The following TET3 variants were observed in gnomAD, a reference collection of about 807,000 sequenced individuals.
The protein encoded by TET3 is tet methylcytosine dioxygenase 3.
A neutral mutation model predicts 141.4 loss-of-function variants in TET3; 19 were observed. The ratio of observed to expected loss-of-function variants is 0.13; its 90% confidence interval spans 0.09 to 0.20. The LOEUF is 0.20. Ranked by LOEUF, TET3 falls within the 10% of genes least tolerant of loss-of-function variation. The pLI is 1.00. For missense variants in TET3, 1,874 were observed against 2,356.9 expected (o/e 0.80, Z 4.24); for synonymous variants, 1,043 against 980.9 (o/e 1.06, Z -1.18).
Position 74,101,566 on chromosome 2 carries a change from T to C in TET3, c.4778T>C (p.Phe1593Ser). The C allele has an allele frequency of 6.2e-7, 1 of 1,609,094 alleles. No individual in the cohort carries two copies. Among genetic ancestry groups the C allele is most frequent in the Non-Finnish European group, 8.5e-7 (1 of 1,177,514 alleles). The change falls in exon 12 of 12, where the codon TTT becomes TCT. Residue 1593 changes from phenylalanine (F) to serine (S), a missense_variant. Coordinates refer to ENST00000409262, the MANE Select transcript of TET3 (RefSeq NM_001287491.2). This position sits in a 1 kb window ranked among gnomAD's most constrained non-coding sequence, Gnocchi z 8.5. ...GLPLGSSEKL[F>S]GALKSEEKLW... ...CCCCTGGGATCCAGCGAGAAGCTGT[T>C]TGGGGCTCTGAAGTCAGAGGAGAAG...
chr2:74,032,292 T>C (rs1686735938), intron 3 of TET3, among the ~76,000 whole-genome samples: 1 of 151,584 alleles, frequency 6.6e-6, no homozygotes. Flanking sequence ...ACTTTTGGGG[T>C]AGGAGGTGTG....
chr2:74,025,839 C>T (rs1686318785), intron 3 of TET3, among the ~76,000 whole-genome samples: 1 of 152,114 alleles, frequency 6.6e-6, no homozygotes, highest in Non-Finnish European at 1.5e-5. Context: ...CGCTGTGGCT[C>T]ATGCCTGTAA....
rs1690214851 is a variant in TET3, at chr2:74,087,266, G to A, written c.2680-564G>A. ...CCACCTTTTGGCTGTTGTGAATAGTGCTGCAGTGAACGTGGGTATTCAGGG... is the reference window on the plus strand; with the variant it reads ...CCACCTTTTGGCTGTTGTGAATAGTACTGCAGTGAACGTGGGTATTCAGGG... On this transcript the variant is annotated intron_variant, in intron 6 of 11. Transcript: ENST00000409262. The surrounding 1 kb of genome is among the most constrained non-coding windows in gnomAD (Gnocchi z 4.3). 6.6e-6 allele frequency among the ~76,000 whole-genome samples: 1 copy of A among 152,188 alleles called. No individual in the cohort carries two copies. The highest frequency in any genetic ancestry group is 6.5e-5 in the Admixed American group (1 of 15,280).
chr2:74,126,024 G>T, the TET3 span, among the ~76,000 whole-genome samples: 1 of 152,190 alleles, frequency 6.6e-6, no homozygotes, highest in African/African-American at 2.4e-5. Flanking sequence ...CCTCTGAGTA[G>T]CTGGGATTCT....
At chr2:74,090,181 A>G in intron 8 of TET3, 134 bp downstream of exon 8, 1 of 1,357,152 alleles carries the variant, frequency 7.4e-7, no homozygotes, top group South Asian at 1.4e-5. Flanking sequence ...TTTTTTTAAA[A>G]GCTGACCTTA....
intron 4 of TET3, among the ~76,000 whole-genome samples, chr2:74,058,895 T>A (rs1191561367): frequency 6.6e-6 from 1 of 152,226 alleles, no homozygotes; most frequent in African/African-American, 2.4e-5. Context: ...GAATAACATT[T>A]CACGACTCAT....
At position 74,100,511 on chromosome 2, in the gene TET3, G is replaced by A. The variant is rs747679970; in HGVS notation, c.3723G>A (p.Ser1241=). 3.8e-5 allele frequency: 61 copies of A among 1,607,146 alleles called. No individual in the cohort carries two copies. Among genetic ancestry groups the A allele is most frequent in the South Asian group, 5.6e-5 (5 of 89,588 alleles). ...YSGNAVVESY[S]VLGNCRPSDP... ...GCAACGCGGTGGTGGAGAGCTACTCGGTGCTGGGCAACTGCCGGCCCTCCG... is the reference window on the plus strand; with the variant it reads ...GCAACGCGGTGGTGGAGAGCTACTCAGTGCTGGGCAACTGCCGGCCCTCCG... The change falls in exon 12 of 12, where the codon TCG becomes TCA. Residue 1241 remains serine (S), a synonymous_variant. Transcript: ENST00000409262.
the TET3 span, among the ~76,000 whole-genome samples, chr2:74,119,401 ATTGCT>A: frequency 6.6e-6 from 1 of 151,922 alleles, no homozygotes; most frequent in Non-Finnish European, 1.5e-5. Context: ...ACTCAAGTCA[ATTGCT>A]TTGCAGAATG....
the TET3 span, among the ~76,000 whole-genome samples, chr2:74,129,498 T>C: frequency 1.0e-3 from 153 of 150,974 alleles, no homozygotes; most frequent in African/African-American, 3.6e-3. Flanking sequence ...CCAGGAGTGG[T>C]GGCAGGCACC....
chr2:74,068,663 A>G (rs891525850), intron 4 of TET3, among the ~76,000 whole-genome samples: 1 of 152,206 alleles, frequency 6.6e-6, no homozygotes, highest in Admixed American at 6.5e-5. Context: ...GCTAATTCAA[A>G]CAGATTGTGC....
intron 6 of TET3, among the ~76,000 whole-genome samples, chr2:74,084,506 G>A (rs952709895): frequency 2.8e-4 from 43 of 151,338 alleles, no homozygotes; most frequent in African/African-American, 9.5e-4. Flanking sequence ...AGGCTAGAGT[G>A]CAGTGGCACG....
At chr2:74,065,661 T>A (rs1688851105) in intron 4 of TET3, among the ~76,000 whole-genome samples, 1 of 151,324 alleles carries the variant, frequency 6.6e-6, no homozygotes. Flanking sequence ...TTCTTTTCTT[T>A]TTTCTTTCTT....
At chr2:74,052,556 C>CAAAAAAAAA (rs70965779) in intron 4 of TET3, among the ~76,000 whole-genome samples, 2 of 92,392 alleles carry the variant, frequency 2.2e-5, no homozygotes, top group African/African-American at 3.8e-5. Context: ...TTCCTATAGC[C>CAAAAAAAAA]AAAAAAAAAA....
At chr2:74,050,999 G>A (rs1687914227) in intron 4 of TET3, among the ~76,000 whole-genome samples, 1 of 152,206 alleles carries the variant, frequency 6.6e-6, no homozygotes, top group South Asian at 2.1e-4. Context: ...CACAGACTTA[G>A]TTGTCATCAT....
chr2:74,100,932 C>T lies in TET3; in HGVS notation c.4144C>T (p.Pro1382Ser). Residue 1382 changes from proline (P) to serine (S), a missense_variant, in exon 12 of 12, where the codon CCC becomes TCC. Around this residue, in one of 10 missense-constraint regions of TET3, gnomAD observed 602 missense variants for 590.2 expected, o/e 1.02. Transcript: ENST00000409262. ...APLLHSVSRD[P>S]SPFAQSSNCY... ...CCTACTCCACTCAGTGTCCAGGGAC[C>T]CCTCCCCCTTTGCCCAGAGCTCCAA... The T allele has an allele frequency of 1.2e-6, 2 of 1,611,030 alleles. No individual in the cohort carries two copies. The highest frequency in any genetic ancestry group is 8.5e-7 in the Non-Finnish European group (1 of 1,178,746).
chr2:74,132,934 G>A, the TET3 span, among the ~76,000 whole-genome samples: 1 of 151,742 alleles, frequency 6.6e-6, no homozygotes, highest in African/African-American at 2.4e-5. Context: ...GTCTGGCTCT[G>A]TCATCCAGGC....
At chr2:74,110,435 C>T (rs1691673613), downstream of TET3, among the ~76,000 whole-genome samples, 1 of 152,160 alleles carries the variant, frequency 6.6e-6, no homozygotes, top group African/African-American at 2.4e-5. Flanking sequence ...CCATTGTACT[C>T]TGAAAATAAT....
chr2:74,052,898 C>CT (rs765812403), intron 4 of TET3, among the ~76,000 whole-genome samples: 131 of 152,206 alleles, frequency 8.6e-4, no homozygotes, highest in Non-Finnish European at 7.6e-4. Flanking sequence ...AAAAAACCCT[C>CT]TATTATTCAA....
Position 74,046,625 on chromosome 2 carries a change from C to T in TET3, c.708C>T (p.Ser236=), listed in dbSNP as rs1388452232. The T allele has an allele frequency of 5.6e-6, 9 of 1,613,940 alleles. No homozygotes were observed. Among genetic ancestry groups the T allele is most frequent in the Non-Finnish European group, 7.6e-6 (9 of 1,179,900 alleles). ...TGAGTCGTGAGGCTGGGAACAACAG[C>T]AGGGGACCCCGGCCAGGGCCTGAGG... ...REMSREAGNN[S]RGPRPGPEGC... The change falls in exon 4 of 12, where the codon AGC becomes AGT. Residue 236 remains serine (S), a synonymous_variant. Coordinates refer to ENST00000409262, the MANE Select transcript of TET3 (RefSeq NM_001287491.2). This position sits in a 1 kb window ranked among gnomAD's most constrained non-coding sequence, Gnocchi z 4.3.
Sources: gnomAD v4.1 joint callset for allele counts (sites outside exome capture counted in the v4.1 genomes callset) on GRCh38, gnomAD v4.1.1 for gene constraint, gnomAD v4.1.1 regional missense constraint, Gnocchi (gnomAD v3.1) non-coding constraint, MANE v1.5 for transcripts, NCBI Gene and HGNC (gene_info 2026-07-23, HGNC 2026-07-21) for gene names.